The following PTPRT variants were observed in gnomAD, a reference collection of about 807,000 sequenced individuals.
The protein encoded by PTPRT is protein tyrosine phosphatase receptor type T, also known as receptor-type tyrosine-protein phosphatase T.
A neutral mutation model predicts 176.8 loss-of-function variants in PTPRT; 56 were observed. The ratio of observed to expected loss-of-function variants is 0.32; its 90% CI spans 0.26 to 0.40. The LOEUF (loss-of-function observed/expected upper bound fraction) is 0.40. PTPRT is among the 10% of genes least tolerant of loss of function. PTPRT has a pLI of 1.00. For synonymous variants in PTPRT, 783 were observed against 739.0 expected, an observed-to-expected ratio of 1.06 and a Z score of -0.96; for missense variants, 1,540 against 1,908.2, an observed-to-expected ratio of 0.81 and a Z score of 3.60.
intron 15 of PTPRT, among the ~76,000 whole-genome samples, chr20:42,223,641 C>T (rs576762310): frequency 6.6e-6 from 1 of 152,262 alleles, no homozygotes; most frequent in East Asian, 1.9e-4. Flanking sequence ...TCTGGAAAAA[C>T]CTTAGATCCC....
intron 7 of PTPRT, among the ~76,000 whole-genome samples, chr20:42,496,640 C>CTT (rs537023943): frequency 5.8e-4 from 82 of 142,280 alleles, no homozygotes; most frequent in Admixed American, 1.7e-3. Flanking sequence ...CTTTCACCAC[C>CTT]TTTTTTTTTT....
At chr20:42,810,703 T>G (rs1448922313) in intron 2 of PTPRT, among the ~76,000 whole-genome samples, 4 of 152,350 alleles carry the variant, frequency 2.6e-5, no homozygotes, top group Middle Eastern at 6.8e-3. Context: ...ACTGTGGGCA[T>G]CAGATTCACT....
At chr20:42,056,778 C>T in the PTPRT span, among the ~76,000 whole-genome samples, 1 of 152,180 alleles carries the variant, frequency 6.6e-6, no homozygotes, top group African/African-American at 2.4e-5. Context: ...AGGCTAAACC[C>T]TGAACAATAA....
chr20:43,078,134 G>A (rs918210637), intron 1 of PTPRT, among the ~76,000 whole-genome samples: 1 of 152,148 alleles, frequency 6.6e-6, no homozygotes, highest in Non-Finnish European at 1.5e-5. Context: ...TGTGTCTATT[G>A]CTCAGTACAG....
chr20:42,134,070 G>C (rs189415104), intron 18 of PTPRT, among the ~76,000 whole-genome samples: 2 of 152,304 alleles, frequency 1.3e-5, no homozygotes, highest in Admixed American at 1.3e-4. Flanking sequence ...CCACCACAAA[G>C]GCACTGCAAG....
intron 2 of PTPRT, among the ~76,000 whole-genome samples, chr20:42,796,363 G>C (rs933136091): frequency 9.2e-5 from 14 of 152,180 alleles, no homozygotes; most frequent in African/African-American, 3.4e-4. Context: ...ATTTCTGTTG[G>C]ATAGCACTGG....
At chr20:42,846,874 A>C (rs892431030) in intron 2 of PTPRT, among the ~76,000 whole-genome samples, 1 of 152,200 alleles carries the variant, frequency 6.6e-6, no homozygotes. Flanking sequence ...AATCAATGGA[A>C]GTAGGTACCC....
At chr20:42,516,258 A>T (rs992300932) in intron 7 of PTPRT, among the ~76,000 whole-genome samples, 2 of 151,708 alleles carry the variant, frequency 1.3e-5, no homozygotes, top group African/African-American at 4.9e-5. Flanking sequence ...GTATAATAAA[A>T]AAATAAATTA....
chr20:42,782,136 T>C (rs1259878528), intron 3 of PTPRT, among the ~76,000 whole-genome samples: 1 of 152,222 alleles, frequency 6.6e-6, no homozygotes, highest in Non-Finnish European at 1.5e-5. Flanking sequence ...TTTCTGGGTC[T>C]TTTTTCTATT....
intron 7 of PTPRT, among the ~76,000 whole-genome samples, chr20:42,615,967 T>C: frequency 8.0e-6 from 1 of 125,166 alleles, no homozygotes; most frequent in East Asian, 2.0e-4. Context: ...GAATTTTGGC[T>C]TTTGTTGCCA....
intron 11 of PTPRT, among the ~76,000 whole-genome samples, chr20:42,338,631 C>G (rs1186014141): frequency 6.6e-6 from 1 of 152,148 alleles, no homozygotes; most frequent in Non-Finnish European, 1.5e-5. Context: ...GAAACTTAGC[C>G]TGGATTGGGA....
intron 7 of PTPRT, among the ~76,000 whole-genome samples, chr20:42,476,142 C>T (rs1422372203): frequency 2.0e-5 from 3 of 152,146 alleles, no homozygotes; most frequent in Non-Finnish European, 4.4e-5. Context: ...GAGAAAATTG[C>T]CTTTGGCTAA....
chr20:42,946,809 G>T (rs918143526), intron 1 of PTPRT, among the ~76,000 whole-genome samples: 1 of 152,050 alleles, frequency 6.6e-6, no homozygotes, highest in Non-Finnish European at 1.5e-5. Flanking sequence ...TTCAATCACC[G>T]CACTGTTGAC....
intron 1 of PTPRT, among the ~76,000 whole-genome samples, chr20:43,089,997 C>T (rs373601571): frequency 7.2e-5 from 11 of 152,300 alleles, no homozygotes; most frequent in Admixed American, 3.9e-4. Flanking sequence ...AAGTGAAATC[C>T]GCCAATCAAC....
intron 2 of PTPRT, among the ~76,000 whole-genome samples, chr20:42,798,463 A>G (rs1474715982): frequency 2.0e-5 from 3 of 152,202 alleles, no homozygotes; most frequent in Non-Finnish European, 4.4e-5. Flanking sequence ...AATTGCAAAC[A>G]TAACAATAGA....
intron 12 of PTPRT, among the ~76,000 whole-genome samples, chr20:42,285,770 C>G (rs1296865831): frequency 6.8e-6 from 1 of 147,714 alleles, no homozygotes; most frequent in Non-Finnish European, 1.5e-5. Context: ...ATGACATGAT[C>G]TTATGTATAC....
chr20:42,875,299 C>T (rs1345716180), intron 2 of PTPRT, among the ~76,000 whole-genome samples: 2 of 152,196 alleles, frequency 1.3e-5, no homozygotes, highest in East Asian at 1.9e-4. Flanking sequence ...CACCAACACT[C>T]GTCATTACTT....
chr20:42,349,596 TA>T (rs891395182), intron 11 of PTPRT, among the ~76,000 whole-genome samples: 1 of 151,620 alleles, frequency 6.6e-6, no homozygotes, highest in Non-Finnish European at 1.5e-5. Flanking sequence ...GGTGGATTCT[TA>T]AAAAAAAATG....
At chr20:42,865,600 C>T (rs924050294) in intron 2 of PTPRT, among the ~76,000 whole-genome samples, 3 of 152,096 alleles carry the variant, frequency 2.0e-5, no homozygotes, top group Non-Finnish European at 2.9e-5. Flanking sequence ...ATTGAGCTCC[C>T]GCACTGCCTG....
Sources: allele counts gnomAD v4.1 joint callset (sites outside exome capture counted in the v4.1 genomes callset), GRCh38; gene constraint gnomAD v4.1.1; transcripts MANE v1.5; gene names NCBI Gene and HGNC (gene_info 2026-07-23, HGNC 2026-07-21).